Variants in DLG3 observed in about 807,000 individuals in gnomAD.
DLG3 encodes the protein disks large homolog 3.
In DLG3, 1 loss-of-function variant was observed where a neutral mutation model predicts 64.1. That is an observed-to-expected ratio of 0.02 (90% CI 0.01 to 0.07). DLG3 has a LOEUF of 0.07. Among genes scored for constraint, DLG3 ranks in the 10% least tolerant of loss-of-function variants. DLG3 has a pLI of 1.00. For missense variants in DLG3, 429 were observed against 669.5 expected (o/e 0.64, Z 3.96); for synonymous variants, 245 against 259.8 (o/e 0.94, Z 0.55).
At chrX:70,463,367 G>A (rs747250305) in intron 9 of DLG3, among the ~76,000 whole-genome samples, 13 of 110,567 alleles carry the variant, frequency 1.2e-4, no homozygotes, top group Admixed American at 3.9e-4. Flanking sequence ...GGCTGGTCTC[G>A]AACTCCTGTC....
Position 70,502,351 on chromosome X carries a change from G to T in DLG3, c.*82G>T. On this transcript the variant is annotated 3_prime_UTR_variant, in exon 19 of 19. Coordinates refer to ENST00000374360, the MANE Select transcript of DLG3 (RefSeq NM_021120.4). ...CTCCCTCTTCATTCCTGTCCCCATG[G>T]GGAGAACAAATGCTACTGTTCTTGT... is the stretch of plus-strand genomic sequence containing the variant. 1 of 717,969 alleles carries T rather than the reference G, an allele frequency of 1.4e-6. No homozygotes were observed. Among genetic ancestry groups the T allele is most frequent in the Non-Finnish European group, 2.2e-6 (1 of 460,438 alleles). 59.2% of individuals were successfully genotyped at this position (717,969 alleles called of 1,213,427 possible). A position where few individuals can be genotyped will look rare whatever the true frequency, so the allele number is the denominator to read the frequency against.
chrX:70,480,343 C>A (rs754652166), intron 10 of DLG3, among the ~76,000 whole-genome samples: 1 of 111,636 alleles, frequency 9.0e-6, no homozygotes, highest in Non-Finnish European at 1.9e-5. Context: ...TCTCATGGTG[C>A]TTGCTTTTCT....
rs750959712 is a variant in DLG3 at position 70,493,352 on chromosome X, C to T, written c.1773+756C>T. 3.4e-6 allele frequency: 4 copies of T among 1,172,914 alleles called. No homozygotes were observed. The South Asian group carries it at 5.5e-5, about 16-fold the overall frequency. Reference sequence around the variant, plus strand: ...TTTTTTTTTTTCTTCTGTCCTTCCCCTCCATCTTCATGTTCTTTCACAGTC... The same window carrying T: ...TTTTTTTTTTTCTTCTGTCCTTCCCTTCCATCTTCATGTTCTTTCACAGTC... On this transcript the variant is annotated intron_variant, in intron 12 of 18. Transcript: ENST00000374360.
chrX:70,452,760 G>A (rs2086637728), intron 7 of DLG3: 1 of 1,177,198 alleles, frequency 8.5e-7, no homozygotes, highest in South Asian at 2.0e-5. Flanking sequence ...TGCCAGGTAG[G>A]AGTGGAGGGC....
intron 10 of DLG3, among the ~76,000 whole-genome samples, chrX:70,491,547 C>T (rs903732777): frequency 5.3e-5 from 6 of 112,585 alleles, no homozygotes; most frequent in African/African-American, 3.2e-5. Context: ...TCTGTTTCCC[C>T]ATATGTAAGA....
Position 70,445,472 on chromosome X carries a change from C to A in DLG3, c.271C>A (p.Pro91Thr). The change falls in exon 1 of 19, where the codon CCG becomes ACG. Residue 91 changes from proline (P) to threonine (T), a missense_variant. This residue lies in a region of DLG3 where 123 missense variants were observed against 113.3 expected (regional missense o/e 1.09). Coordinates refer to ENST00000374360, the MANE Select transcript of DLG3 (RefSeq NM_021120.4). ...DVGPVPPKPV[P>T]GKSTPKLNGS... is the part of the protein sequence containing the mutation. Reference sequence around the variant, plus strand: ...GGGGCCGGTGCCTCCTAAGCCAGTCCCGGGCAAGAGCACCCCCAAACTCAA... The same window carrying A: ...GGGGCCGGTGCCTCCTAAGCCAGTCACGGGCAAGAGCACCCCCAAACTCAA... 8.3e-7 allele frequency: 1 copy of A among 1,202,659 alleles called. No individual in the cohort carries two copies. Among genetic ancestry groups the A allele is most frequent in the Non-Finnish European group, 1.1e-6 (1 of 891,419 alleles).
At position 70,459,915 on chromosome X, in the gene DLG3, A is replaced by G. The variant is rs371914636; in HGVS notation, c.1405+5599A>G. Among the ~76,000 whole-genome samples, 143 of 111,191 alleles carry G rather than the reference A, an allele frequency of 1.3e-3. No homozygotes were observed. The South Asian group carries it at 0.029, about 22-fold the overall frequency. On this transcript the variant is annotated intron_variant, in intron 9 of 18. Coordinates refer to ENST00000374360, the MANE Select transcript of DLG3 (RefSeq NM_021120.4). ...CCAGGCCACAACTATCTCCCTACCC[A>G]GAGACATCTGGCTACAGCAGAAGAT... is the stretch of plus-strand genomic sequence containing the variant.
Position 70,502,424 on chromosome X carries a change from C to CT in DLG3, c.*168dup, listed in dbSNP as rs1283289847. The CT allele has an allele frequency of 0.044, 13,689 of 310,657 alleles. No individual in the cohort carries two copies. Among genetic ancestry groups the CT allele is most frequent in the East Asian group, 0.06 (1,054 of 17,586 alleles). 25.6% of individuals were successfully genotyped at this position (310,657 alleles called of 1,213,427 possible). A position where few individuals can be genotyped will look rare whatever the true frequency, so the allele number is the denominator to read the frequency against. Reference sequence around the variant, plus strand: ...AAAAATTAAGTTTTCTAGTCCTGTTCTTTTTTTTTTTTTAAGTTTTTGTTT... The same window carrying CT: ...AAAAATTAAGTTTTCTAGTCCTGTTCTTTTTTTTTTTTTTAAGTTTTTGTTT... On this transcript the variant is annotated 3_prime_UTR_variant, in exon 19 of 19. Transcript: ENST00000374360.
chrX:70,469,118 C>G (rs2086929827), intron 9 of DLG3, among the ~76,000 whole-genome samples: 1 of 110,864 alleles, frequency 9.0e-6, no homozygotes, highest in African/African-American at 3.3e-5. Context: ...TCAAGCGATC[C>G]TCCTGCTTCA....
At chrX:70,462,251 T>C (rs1218001305) in intron 9 of DLG3, among the ~76,000 whole-genome samples, 4 of 81,027 alleles carry the variant, frequency 4.9e-5, no homozygotes, top group African/African-American at 1.8e-4. Context: ...TTCTTTTTTT[T>C]TTTTTTTTTT....
chrX:70,471,483 C>A (rs1015833839), intron 9 of DLG3, among the ~76,000 whole-genome samples: 1 of 110,304 alleles, frequency 9.1e-6, no homozygotes. Context: ...GCGCCCGCCA[C>A]CACGCCCGGC....
chrX:70,445,031 G>T lies in DLG3; in HGVS notation c.-171G>T. 3.4e-6 allele frequency: 1 copy of T among 296,822 alleles called. No homozygotes were observed. Among genetic ancestry groups the T allele is most frequent in the Non-Finnish European group, 5.7e-6 (1 of 175,940 alleles). The allele number at this position is 296,822 out of a possible 1,213,427, so 24.5% of individuals were successfully genotyped here. On this transcript the variant is annotated 5_prime_UTR_variant, in exon 1 of 19. Transcript: ENST00000374360. ...GGCCGAGGCCCCGGGACGCCCGCCC[G>T]GCCCCAGGCCCCGCTCAGCCCGGGC... is the stretch of plus-strand genomic sequence containing the variant.
chrX:70,471,403 C>T lies in DLG3; in HGVS notation c.1406-7747C>T, dbSNP rs181114832. On this transcript the variant is annotated intron_variant, in intron 9 of 18. Transcript: ENST00000374360. The stretch of plus-strand genomic sequence containing the variant: ...GGAGTGCAGTGGTGCGATCTCGGCT[C>T]ACTGCAAGCTCCGCCTCCTGGGTTC... Among the ~76,000 whole-genome samples, 187 of 107,092 alleles carry T rather than the reference C, an allele frequency of 1.7e-3. 1 individual carries two copies. Among genetic ancestry groups the T allele is most frequent in the African/African-American group, 6.2e-3 (182 of 29,228 alleles). 93.0% of individuals were successfully genotyped at this position (107,092 alleles called of 115,157 possible).
At chrX:70,475,526 T>C (rs766660601) in intron 9 of DLG3, among the ~76,000 whole-genome samples, 1 of 111,807 alleles carries the variant, frequency 8.9e-6, no homozygotes, top group African/African-American at 3.2e-5. Context: ...ACCTGGCTGA[T>C]TTTTGTAGAG....
At position 70,479,175 on chromosome X, in the gene DLG3, A is replaced by C; in HGVS notation, c.1431A>C (p.Ile477=). The part of the protein sequence containing the change: ...PEEYSRFESK[I]HDLREQMMNS... Reference sequence around the variant, plus strand: ...AATACAGTCGCTTTGAATCGAAGATACATGACTTACGAGAACAAATGATGA... The same window carrying C: ...AATACAGTCGCTTTGAATCGAAGATCCATGACTTACGAGAACAAATGATGA... Residue 477 remains isoleucine (I), a synonymous_variant, in exon 10 of 19, where the codon ATA becomes ATC. Transcript: ENST00000374360. 8.3e-7 allele frequency: 1 copy of C among 1,209,345 alleles called. No individual in the cohort carries two copies. Among genetic ancestry groups the C allele is most frequent in the East Asian group, 3.0e-5 (1 of 33,769 alleles).
chrX:70,464,753 C>T (rs927389955), intron 9 of DLG3, among the ~76,000 whole-genome samples: 4 of 111,545 alleles, frequency 3.6e-5, no homozygotes, highest in African/African-American at 9.8e-5. Context: ...CCCAGGAATT[C>T]GAGACCGGCC....
chrX:70,452,103 C>CA, intron 7 of DLG3, 77 bp downstream of exon 7: 1 of 1,159,332 alleles, frequency 8.6e-7, no homozygotes, highest in South Asian at 1.9e-5. Context: ...TGGCCGGCCA[C>CA]AGGCTCCTTG....
At chrX:70,490,470 G>T (rs746610982) in intron 10 of DLG3, among the ~76,000 whole-genome samples, 1 of 112,003 alleles carries the variant, frequency 8.9e-6, no homozygotes, top group East Asian at 2.8e-4. Context: ...TGCTGCCTCT[G>T]CCATTCTCCT....
chrX:70,460,394 A>G, intron 9 of DLG3, among the ~76,000 whole-genome samples: 1 of 110,953 alleles, frequency 9.0e-6, no homozygotes, highest in South Asian at 3.8e-4. Context: ...AGCCTGAGGG[A>G]GATCCCTTCT....
Sources: gnomAD v4.1 joint callset for allele counts (sites outside exome capture counted in the v4.1 genomes callset) on GRCh38, gnomAD v4.1.1 for gene constraint, gnomAD v4.1.1 regional missense constraint, MANE v1.5 for transcripts, NCBI Gene and HGNC (gene_info 2026-07-23, HGNC 2026-07-21) for gene names.